The following ZNF532 variants were observed in gnomAD, a reference collection of about 807,000 sequenced individuals.
The protein encoded by ZNF532 is zinc finger protein 532.
Under a neutral mutation model 89.3 loss-of-function variants are expected in ZNF532, and 22 were observed. The observed-to-expected ratio is 0.25, with a 90% CI of 0.18 to 0.35. The LOEUF is 0.35. Among genes scored for constraint, ZNF532 ranks in the 10% least tolerant of loss-of-function variants. ZNF532 has a pLI of 1.00. For synonymous variants in ZNF532, 606 were observed against 649.6 expected, an observed-to-expected ratio of 0.93 and a Z score of 1.02; for missense variants, 1,132 against 1,643.4, an observed-to-expected ratio of 0.69 and a Z score of 5.38.
intron 2 of ZNF532, among the ~76,000 whole-genome samples, chr18:58,886,645 G>A (rs756839943): frequency 2.0e-5 from 3 of 152,214 alleles, no homozygotes; most frequent in Non-Finnish European, 2.9e-5. Context: ...ATGTACCATT[G>A]TCATGGATAT....
chr18:58,869,687 G>GT (rs1380391199), intron 2 of ZNF532, among the ~76,000 whole-genome samples: 1 of 148,458 alleles, frequency 6.7e-6, no homozygotes, highest in Non-Finnish European at 1.5e-5. Flanking sequence ...AACTGAAAAT[G>GT]TTTAAGCAAT....
intron 2 of ZNF532, among the ~76,000 whole-genome samples, chr18:58,885,846 CA>C (rs79673674): frequency 0.16 from 21,852 of 135,018 alleles, 1,721 homozygotes; most frequent in Middle Eastern, 0.26. Context: ...GACAATGTCT[CA>C]AAAAAAAAAA....
upstream of ZNF532, chr18:58,863,425 G>GC (rs11437634): frequency 1 from 145,110 of 145,188 alleles, 72,516 homozygotes; most frequent in Admixed American, 1. Context: ...CCGCCGCCCG[G>GC]TCCCGGAGCT....
chr18:58,908,189 GT>G (rs1279783478), intron 2 of ZNF532, among the ~76,000 whole-genome samples: 2 of 152,168 alleles, frequency 1.3e-5, no homozygotes, highest in Admixed American at 6.6e-5. Flanking sequence ...CATTTTTTAG[GT>G]GGAAAATTTT....
chr18:58,984,458 G>A lies in ZNF532; in HGVS notation c.3898G>A (p.Glu1300Lys), dbSNP rs759978469. 5 of 1,606,942 alleles carry A rather than the reference G, an allele frequency of 3.1e-6. No homozygotes were observed. Among genetic ancestry groups the A allele is most frequent in the Admixed American group, 1.7e-5 (1 of 59,818 alleles). The change falls in exon 10 of 10, where the codon GAG (glutamate) becomes AAG (lysine). Residue 1300 changes from glutamate (E) to lysine (K), a missense_variant. Transcript: ENST00000591808. ...CAAATCCAAAAGGATGAGCTCAGCC[G>A]AGAAATAGCCACAGATGCTCCATGA... ...FIKSKRMSSA[E>K]K is the part of the protein sequence containing the mutation.
At position 58,916,804 on chromosome 18, in the gene ZNF532, C is replaced by A. The variant is rs1253708753; in HGVS notation, c.-17-1467C>A. On this transcript the variant is annotated intron_variant, in intron 2 of 9. Transcript: ENST00000591808. ...ATGAGTTTTCTCAGGCATGTGTATT[C>A]TCACTGAGTAGAAATTCTCTCTTGA... The A allele has an allele frequency of 3.6e-6, 3 of 827,094 alleles. No homozygotes were observed. In the African/African-American group the frequency reaches 5.6e-5, roughly 15 times the overall value. The allele number at this position is 827,094 out of a possible 1,614,324, so 51.2% of individuals were successfully genotyped here.
chr18:58,892,816 A>C (rs1268842454), intron 2 of ZNF532, among the ~76,000 whole-genome samples: 1 of 152,240 alleles, frequency 6.6e-6, no homozygotes, highest in Non-Finnish European at 1.5e-5. Flanking sequence ...AGTAGAACTC[A>C]TACAAGAGAA....
At position 58,888,838 on chromosome 18, in the gene ZNF532, AATT is replaced by A. The variant is rs1262909124; in HGVS notation, c.-18+23260_-18+23262del. ...AATTATATATATAAATTATATATAT[AATT>A]TATATATATATAATTTATATATATA... On this transcript the variant is annotated intron_variant, in intron 2 of 9. Coordinates refer to ENST00000591808, the MANE Select transcript of ZNF532 (RefSeq NM_001375912.1). Among the ~76,000 whole-genome samples the A allele has an allele frequency of 1.6e-3, 82 of 49,852 alleles. 6 individuals carry two copies. Among genetic ancestry groups the A allele is most frequent in the Middle Eastern group, 0.01 (1 of 98 alleles). The allele number at this position is 49,852 out of a possible 152,430, so 32.7% of individuals were successfully genotyped here.
chr18:58,942,779 A>G (rs1239535609), intron 5 of ZNF532, among the ~76,000 whole-genome samples: 1 of 152,238 alleles, frequency 6.6e-6, no homozygotes, highest in Non-Finnish European at 1.5e-5. Context: ...GTCCAAAATG[A>G]CTAAATAGTC....
intron 2 of ZNF532, among the ~76,000 whole-genome samples, chr18:58,901,920 G>T (rs2059628368): frequency 6.6e-6 from 1 of 152,186 alleles, no homozygotes; most frequent in Non-Finnish European, 1.5e-5. Context: ...CCCTGAGGCT[G>T]CCTCCCTTCC....
intron 7 of ZNF532, among the ~76,000 whole-genome samples, chr18:58,975,954 C>T (rs1053329192): frequency 5.9e-5 from 9 of 152,152 alleles, no homozygotes; most frequent in African/African-American, 1.4e-4. Flanking sequence ...AGAATGATGA[C>T]GGTGGGCTTT....
chr18:58,886,273 A>C (rs1330776217), intron 2 of ZNF532, among the ~76,000 whole-genome samples: 1 of 152,042 alleles, frequency 6.6e-6, no homozygotes, highest in Non-Finnish European at 1.5e-5. Flanking sequence ...GAGCCACTGC[A>C]CCTGGTCCTT....
At chr18:58,874,070 G>T (rs77186054) in intron 2 of ZNF532, among the ~76,000 whole-genome samples, 1 of 152,232 alleles carries the variant, frequency 6.6e-6, no homozygotes, top group East Asian at 1.9e-4. Flanking sequence ...CTCTGTTTTG[G>T]GAGAGTAGCC....
At chr18:58,978,385 A>G (rs2067297965) in intron 7 of ZNF532, among the ~76,000 whole-genome samples, 1 of 152,228 alleles carries the variant, frequency 6.6e-6, no homozygotes, top group African/African-American at 2.4e-5. Flanking sequence ...ATAAAACAGC[A>G]TATTCTATCT....
Position 58,920,566 on chromosome 18 carries a change from A to G in ZNF532, c.2279A>G (p.Asn760Ser), listed in dbSNP as rs768014991. Residue 760 changes from asparagine to serine, a missense_variant, in exon 3 of 10, where the codon AAT becomes AGT. By Grantham distance (46) the Asn-to-Ser change is conservative (BLOSUM62 1). Transcript: ENST00000591808. The stretch of plus-strand genomic sequence containing the variant: ...CATAGTCTAAAATGTTTGGAGTGTA[A>G]TGAAGTCTTCCAGGACGAGACATCA... Reference protein sequence around the residue: ...CRHSLKCLECNEVFQDETSLA... With the variant: ...CRHSLKCLECSEVFQDETSLA... 3.7e-6 allele frequency: 6 copies of G among 1,611,528 alleles called. No individual in the cohort carries two copies. In the South Asian group the frequency reaches 6.6e-5, roughly 18 times the overall value.
intron 3 of ZNF532, among the ~76,000 whole-genome samples, chr18:58,923,945 C>T (rs1231227287): frequency 2.0e-5 from 3 of 152,128 alleles, no homozygotes; most frequent in Admixed American, 6.5e-5. Context: ...CAACCTCTGC[C>T]TCCTGGGTTC....
chr18:58,883,874 G>T (rs1279585646), intron 2 of ZNF532, among the ~76,000 whole-genome samples: 1 of 152,142 alleles, frequency 6.6e-6, no homozygotes, highest in East Asian at 1.9e-4. Flanking sequence ...TTGAAGCCTT[G>T]TAGTAAGAAC....
intron 5 of ZNF532, 88 bp downstream of exon 5, chr18:58,939,709 A>G: frequency 7.6e-7 from 1 of 1,312,982 alleles, no homozygotes; most frequent in South Asian, 1.5e-5. Flanking sequence ...AATAACATTT[A>G]CCAAGATCTG....
chr18:58,898,557 T>C (rs1216930767), intron 2 of ZNF532, among the ~76,000 whole-genome samples: 3 of 152,184 alleles, frequency 2.0e-5, no homozygotes, highest in Admixed American at 6.5e-5. Flanking sequence ...AGCCTCACAC[T>C]TGGACCAGCC....
Sources: gnomAD v4.1 joint callset for allele counts (sites outside exome capture counted in the v4.1 genomes callset) on GRCh38, gnomAD v4.1.1 for gene constraint, MANE v1.5 for transcripts, NCBI Gene and HGNC (gene_info 2026-07-23, HGNC 2026-07-21) for gene names.